The following PRKG1 variants were observed in gnomAD, a reference collection of about 807,000 sequenced individuals.
The protein encoded by PRKG1 is cGMP-dependent protein kinase 1.
PRKG1 carries 35 observed loss-of-function variants against 88.1 expected under a neutral mutation model. The ratio of observed to expected loss-of-function variants is 0.40; its 90% CI spans 0.30 to 0.53. PRKG1 has a LOEUF of 0.53. PRKG1 is among the 20% of genes least tolerant of loss of function. PRKG1 has a pLI of 0.59. For missense variants in PRKG1, 540 were observed against 839.8 expected (o/e 0.64, Z 4.41); for synonymous variants, 303 against 292.5 (o/e 1.04, Z -0.37).
chr10:50,996,699 G>T (rs1842840210), intron 1 of PRKG1, among the ~76,000 whole-genome samples: 1 of 152,200 alleles, frequency 6.6e-6, no homozygotes. Flanking sequence ...GACCTTGGTT[G>T]CCTCCTTTGA....
chr10:51,656,252 A>T (rs1184217370), intron 3 of PRKG1, among the ~76,000 whole-genome samples: 1 of 152,164 alleles, frequency 6.6e-6, no homozygotes, highest in African/African-American at 2.4e-5. Flanking sequence ...CAGTTGTATG[A>T]TGCATTTTTA....
chr10:51,644,271 T>C (rs1839866767), intron 3 of PRKG1, among the ~76,000 whole-genome samples: 1 of 152,210 alleles, frequency 6.6e-6, no homozygotes, highest in South Asian at 2.1e-4. Context: ...TTTTGTGTTT[T>C]TGTTCTTGTT....
At chr10:51,544,522 G>A (rs1344593332) in intron 3 of PRKG1, among the ~76,000 whole-genome samples, 1 of 151,996 alleles carries the variant, frequency 6.6e-6, no homozygotes, top group Admixed American at 6.6e-5. Context: ...ACATACGTGT[G>A]CATGTGTCTT....
intron 9 of PRKG1, among the ~76,000 whole-genome samples, chr10:52,218,388 C>G (rs980083249): frequency 2.0e-5 from 3 of 151,780 alleles, no homozygotes; most frequent in African/African-American, 7.3e-5. Context: ...CCAAGAAATT[C>G]TCATAAAAAG....
At chr10:51,093,799 TATACACACACACAC>T (rs1331827146) in intron 1 of PRKG1, among the ~76,000 whole-genome samples, 1 of 127,788 alleles carries the variant, frequency 7.8e-6, no homozygotes, top group East Asian at 2.1e-4. Context: ...TATATATATA[TATACACACACACAC>T]ACACACACAC....
intron 7 of PRKG1, among the ~76,000 whole-genome samples, chr10:52,078,094 A>C (rs76691739): frequency 6.6e-6 from 1 of 152,250 alleles, no homozygotes; most frequent in East Asian, 1.9e-4. Context: ...TTGCTTTGAA[A>C]GGAACATTTT....
intron 6 of PRKG1, among the ~76,000 whole-genome samples, chr10:52,055,261 G>A (rs773256175): frequency 1.3e-5 from 2 of 152,226 alleles, no homozygotes; most frequent in East Asian, 1.9e-4. Context: ...ATCCTGTTAC[G>A]AAATTTAGTC....
At chr10:51,884,364 G>T (rs1293239968) in intron 4 of PRKG1, among the ~76,000 whole-genome samples, 2 of 133,338 alleles carry the variant, frequency 1.5e-5, no homozygotes, top group African/African-American at 5.5e-5. Context: ...AGAATGGCGT[G>T]AACCCGGGAG....
intron 3 of PRKG1, among the ~76,000 whole-genome samples, chr10:51,485,643 T>C (rs1273350965): frequency 2.0e-5 from 3 of 152,214 alleles, no homozygotes; most frequent in Non-Finnish European, 2.9e-5. Context: ...TCTACTAAAA[T>C]GTTATATTGC....
chr10:51,413,291 G>A (rs1428803643), intron 2 of PRKG1, among the ~76,000 whole-genome samples: 1 of 152,004 alleles, frequency 6.6e-6, no homozygotes, highest in Non-Finnish European at 1.5e-5. Flanking sequence ...AACACAAGTG[G>A]GAAGAGTTAT....
intron 2 of PRKG1, among the ~76,000 whole-genome samples, chr10:51,228,237 T>A (rs1838744628): frequency 6.6e-6 from 1 of 152,214 alleles, no homozygotes; most frequent in African/African-American, 2.4e-5. Flanking sequence ...TTATTGTGTC[T>A]GCCCTTTGGA....
chr10:51,114,318 T>C (rs1375157755), intron 1 of PRKG1, among the ~76,000 whole-genome samples: 2 of 152,126 alleles, frequency 1.3e-5, no homozygotes, highest in Non-Finnish European at 2.9e-5. Context: ...ATAGCTTCAT[T>C]GATATATTTT....
At chr10:51,610,002 A>C (rs1163791125) in intron 3 of PRKG1, among the ~76,000 whole-genome samples, 1 of 152,074 alleles carries the variant, frequency 6.6e-6, no homozygotes, top group Non-Finnish European at 1.5e-5. Flanking sequence ...ATTAAAAAAA[A>C]ATTTTTTTGA....
chr10:51,275,199 T>C (rs1269860219), intron 2 of PRKG1, among the ~76,000 whole-genome samples: 2 of 152,252 alleles, frequency 1.3e-5, no homozygotes, highest in African/African-American at 2.4e-5. Flanking sequence ...CTATGTTTTT[T>C]CCCACATTAT....
At chr10:51,043,745 T>G (rs960557353) in intron 1 of PRKG1, among the ~76,000 whole-genome samples, 1 of 152,210 alleles carries the variant, frequency 6.6e-6, no homozygotes, top group African/African-American at 2.4e-5. Flanking sequence ...GTACATGGAA[T>G]GTAGTCTGAG....
At chr10:51,254,881 C>T (rs1318292683) in intron 2 of PRKG1, among the ~76,000 whole-genome samples, 1 of 151,920 alleles carries the variant, frequency 6.6e-6, no homozygotes, top group Non-Finnish European at 1.5e-5. Flanking sequence ...AATAATATGA[C>T]AAACATTTGG....
intron 12 of PRKG1, among the ~76,000 whole-genome samples, chr10:52,275,876 T>C (rs1377403518): frequency 2.0e-5 from 3 of 152,106 alleles, no homozygotes; most frequent in Non-Finnish European, 4.4e-5. Flanking sequence ...GTTTTTCTGG[T>C]AGAGGTCTTT....
chr10:52,290,910 CT>C (rs746256641), intron 17 of PRKG1, among the ~76,000 whole-genome samples: 3,005 of 122,810 alleles, frequency 0.024, 60 homozygotes, highest in African/African-American at 0.066. Context: ...CATGATCACT[CT>C]TTTTTTTTTT....
chr10:51,860,420 T>G (rs752605699), intron 4 of PRKG1, among the ~76,000 whole-genome samples: 6 of 152,220 alleles, frequency 3.9e-5, no homozygotes, highest in Non-Finnish European at 8.8e-5. Context: ...TTACTGGTTC[T>G]CAAAACTTCT....
Sources: gnomAD v4.1 joint callset for allele counts (sites outside exome capture counted in the v4.1 genomes callset) on GRCh38, gnomAD v4.1.1 for gene constraint, MANE v1.5 for transcripts, NCBI Gene and HGNC (gene_info 2026-07-23, HGNC 2026-07-21) for gene names.